PPFIA2: variants seen among roughly 807,000 people sequenced by gnomAD.
PPFIA2 encodes the protein liprin-alpha-2.
In PPFIA2, 46 loss-of-function variants were observed where a neutral mutation model predicts 175.5. The ratio of observed to expected loss-of-function variants is 0.26; its 90% CI spans 0.21 to 0.34. The LOEUF is 0.34. Among genes scored for constraint, PPFIA2 ranks in the 10% least tolerant of loss-of-function variants. PPFIA2 has a pLI of 1.00. For synonymous variants in PPFIA2, 568 were observed against 511.4 expected (o/e 1.11, Z -1.49); for missense variants, 1,179 against 1,506.1 (o/e 0.78, Z 3.60).
chr12:81,440,156 G>T, intron 6 of PPFIA2, 110 bp from the exon 7 acceptor site: 1 of 674,888 alleles, frequency 1.5e-6, no homozygotes, highest in Non-Finnish European at 2.4e-6. Flanking sequence ...AATTATTAAA[G>T]TATTTATATC....
chr12:81,304,160 T>C (rs986322363), intron 22 of PPFIA2, among the ~76,000 whole-genome samples: 14 of 152,212 alleles, frequency 9.2e-5, no homozygotes, highest in Non-Finnish European at 4.4e-5. Flanking sequence ...ACCACTTTCA[T>C]ACATAGGCCC....
intron 4 of PPFIA2, chr12:81,598,378 A>G (rs2059472533): frequency 9.2e-7 from 1 of 1,087,496 alleles, no homozygotes; most frequent in African/African-American, 1.7e-5. Context: ...TCTCAGTGAT[A>G]ATCACCTCCC....
At chr12:81,733,119 A>G (rs1024763863) in intron 3 of PPFIA2, among the ~76,000 whole-genome samples, 1 of 151,622 alleles carries the variant, frequency 6.6e-6, no homozygotes. Flanking sequence ...TAGTAGAAAT[A>G]TATATATTAT....
intron 4 of PPFIA2, among the ~76,000 whole-genome samples, chr12:81,579,006 A>G (rs1478916329): frequency 6.6e-6 from 1 of 151,888 alleles, no homozygotes; most frequent in Admixed American, 6.6e-5. Flanking sequence ...ATTTTACAAT[A>G]TTAGAATAAG....
At chr12:81,570,692 A>G (rs2072354210) in intron 4 of PPFIA2, among the ~76,000 whole-genome samples, 1 of 149,252 alleles carries the variant, frequency 6.7e-6, no homozygotes, top group Non-Finnish European at 1.5e-5. Flanking sequence ...AAATAATTTT[A>G]TAATTACATA....
intron 4 of PPFIA2, among the ~76,000 whole-genome samples, chr12:81,459,010 C>A (rs1029627191): frequency 2.0e-5 from 3 of 152,056 alleles, no homozygotes; most frequent in Admixed American, 6.6e-5. Context: ...GATGATTATG[C>A]AAAGCTGGGG....
intron 5 of PPFIA2, among the ~76,000 whole-genome samples, chr12:81,450,269 G>A (rs143393255): frequency 0.018 from 2,681 of 152,290 alleles, 41 homozygotes; most frequent in Non-Finnish European, 0.029. Flanking sequence ...GTGCAAAAGT[G>A]TTCCTATTTC....
chr12:81,368,227 T>G, intron 13 of PPFIA2: 1 of 1,122,434 alleles, frequency 8.9e-7, no homozygotes, highest in Non-Finnish European at 1.2e-6. Context: ...GCACTATTTC[T>G]GAAATAATGC....
intron 4 of PPFIA2, among the ~76,000 whole-genome samples, chr12:81,529,744 G>A (rs1175373387): frequency 1.3e-5 from 2 of 152,066 alleles, no homozygotes; most frequent in Admixed American, 6.6e-5. Context: ...TTGTTGCATG[G>A]TCCAGGTGCT....
intron 3 of PPFIA2, among the ~76,000 whole-genome samples, chr12:81,684,220 G>A (rs567047860): frequency 6.6e-6 from 1 of 152,046 alleles, no homozygotes; most frequent in Non-Finnish European, 1.5e-5. Flanking sequence ...ATCAGTCAAG[G>A]TTCCACCTGA....
At chr12:81,543,433 A>G (rs1320760007) in intron 4 of PPFIA2, among the ~76,000 whole-genome samples, 3 of 152,154 alleles carry the variant, frequency 2.0e-5, no homozygotes, top group African/African-American at 7.2e-5. Context: ...ATAAAGTAGT[A>G]TTGTATTACA....
chr12:81,508,463 G>A (rs2061417416), intron 4 of PPFIA2, among the ~76,000 whole-genome samples: 1 of 139,252 alleles, frequency 7.2e-6, no homozygotes, highest in South Asian at 2.4e-4. Context: ...GGAAGTTGTG[G>A]TGAGCCAAGA....
intron 4 of PPFIA2, among the ~76,000 whole-genome samples, chr12:81,462,585 C>T (rs11114865): frequency 0.014 from 1,755 of 124,618 alleles, 20 homozygotes; most frequent in Non-Finnish European, 0.019. Context: ...TATATATATA[C>T]ATATATATAT....
At chr12:81,443,026 A>T (rs2050521959) in intron 6 of PPFIA2, among the ~76,000 whole-genome samples, 1 of 150,606 alleles carries the variant, frequency 6.6e-6, no homozygotes, top group African/African-American at 2.4e-5. Flanking sequence ...ACTAAATGAA[A>T]TGCTATTGTA....
intron 30 of PPFIA2, 67 bp downstream of exon 30, chr12:81,266,885 A>G (rs2037420752): frequency 8.6e-7 from 1 of 1,161,792 alleles, no homozygotes; most frequent in East Asian, 2.4e-5. Context: ...TATTCCTTAA[A>G]AACAAAGATG....
intron 4 of PPFIA2, among the ~76,000 whole-genome samples, chr12:81,493,112 G>C (rs1248110723): frequency 6.6e-6 from 1 of 152,012 alleles, no homozygotes; most frequent in Non-Finnish European, 1.5e-5. Flanking sequence ...GTTTGGAATG[G>C]GAAAGGGAAT....
At chr12:81,715,123 A>G (rs2078429068) in intron 3 of PPFIA2, among the ~76,000 whole-genome samples, 1 of 151,062 alleles carries the variant, frequency 6.6e-6, no homozygotes, top group Non-Finnish European at 1.5e-5. Context: ...TAATTTTACA[A>G]GATGGCACAA....
intron 9 of PPFIA2, among the ~76,000 whole-genome samples, chr12:81,379,316 G>A (rs1413970313): frequency 1.3e-5 from 2 of 151,992 alleles, no homozygotes; most frequent in Non-Finnish European, 2.9e-5. Context: ...TGTATAAATT[G>A]GATTTTGTTC....
chr12:81,311,461 T>C (rs893384460), intron 22 of PPFIA2, among the ~76,000 whole-genome samples: 3 of 151,762 alleles, frequency 2.0e-5, no homozygotes, highest in Middle Eastern at 3.4e-3. Context: ...CGGCCCGGCG[T>C]GGTGGCTCAC....
Sources: gnomAD v4.1 joint callset for allele counts (sites outside exome capture counted in the v4.1 genomes callset) on GRCh38, gnomAD v4.1.1 for gene constraint, MANE v1.5 for transcripts, NCBI Gene and HGNC (gene_info 2026-07-23, HGNC 2026-07-21) for gene names.